The following LRFN5 variants were observed in gnomAD, a reference collection of about 807,000 sequenced individuals.
LRFN5 encodes leucine rich repeat and fibronectin type III domain containing 5.
Under a neutral mutation model 45.6 loss-of-function variants are expected in LRFN5, and 24 were observed. That is an observed-to-expected ratio of 0.53 (90% confidence interval 0.38 to 0.74). The LOEUF (loss-of-function observed/expected upper bound fraction) is 0.74. Ranked by LOEUF, LRFN5 falls within the 30% of genes least tolerant of loss-of-function variation. The pLI is 0.00. For synonymous variants in LRFN5, 340 were observed against 313.8 expected (o/e 1.08, Z -0.88); for missense variants, 776 against 861.5 (o/e 0.90, Z 1.24).
rs765115012 is a variant in LRFN5, at chr14:41,898,969, CT to C, written c.2142+11del. The C allele has an allele frequency of 3.7e-6, 6 of 1,605,976 alleles. No individual in the cohort carries two copies. In the Admixed American group the frequency reaches 1.0e-4, roughly 27 times the overall value. ...TTGTCCAGGAAACACAGGTGAGATT[CT>C]TATTACCTATAACTTACTTCAACAC... On this transcript the variant is annotated intron_variant, in intron 5 of 5. Transcript: ENST00000298119.
intron 1 of LRFN5, among the ~76,000 whole-genome samples, chr14:41,625,426 G>A (rs374997088): frequency 1.3e-5 from 2 of 152,198 alleles, no homozygotes; most frequent in South Asian, 4.1e-4. Context: ...CTTCTGCCAC[G>A]GTTGTAAGTT....
chr14:41,898,892 A>G, intron 4 of LRFN5, 25 bp from the exon 5 acceptor site: 3 of 1,602,728 alleles, frequency 1.9e-6, no homozygotes, highest in Non-Finnish European at 2.6e-6. Context: ...TGAATTGTTT[A>G]TGACACTGAA....
intron 1 of LRFN5, among the ~76,000 whole-genome samples, chr14:41,676,311 A>T (rs1881626965): frequency 6.6e-6 from 1 of 152,190 alleles, no homozygotes; most frequent in African/African-American, 2.4e-5. Context: ...GCGGATCAAG[A>T]GTATTACCTT....
rs557956523 is a variant in LRFN5, at chr14:41,648,772, GT to G, written c.-197+40219del. On this transcript the variant is annotated intron_variant, in intron 1 of 5. Transcript: ENST00000298119. ...TCCCCTTACAGAGGCATCCACTTTT[GT>G]TTTTTTTTGGAACATAATGAAATAA... Among the ~76,000 whole-genome samples, 8 of 148,980 alleles carry G rather than the reference GT, an allele frequency of 5.4e-5. No homozygotes were observed. In the South Asian group the frequency reaches 1.1e-3, roughly 20 times the overall value.
intron 1 of LRFN5, among the ~76,000 whole-genome samples, chr14:41,650,267 A>ACACACACAC (rs1555351106): frequency 4.2e-4 from 51 of 121,822 alleles, no homozygotes; most frequent in African/African-American, 1.1e-3. Flanking sequence ...ACACACACAC[A>ACACACACAC]AAAAAAAAAA....
intron 2 of LRFN5, among the ~76,000 whole-genome samples, chr14:41,868,412 G>T (rs1889909493): frequency 6.6e-6 from 1 of 152,040 alleles, no homozygotes. Flanking sequence ...GAAACCAATT[G>T]AATGCACGGT....
At chr14:41,643,391 T>C (rs1423729068) in intron 1 of LRFN5, among the ~76,000 whole-genome samples, 2 of 152,190 alleles carry the variant, frequency 1.3e-5, no homozygotes, top group African/African-American at 4.8e-5. Context: ...TGTGGAGATA[T>C]TGAAATGGAA....
At chr14:41,822,476 G>C (rs1888147049) in intron 2 of LRFN5, among the ~76,000 whole-genome samples, 1 of 151,964 alleles carries the variant, frequency 6.6e-6, no homozygotes, top group Non-Finnish European at 1.5e-5. Context: ...TCTTGGTATT[G>C]ATTTCTAAGT....
At chr14:41,640,195 T>G (rs929529655) in intron 1 of LRFN5, among the ~76,000 whole-genome samples, 1 of 151,966 alleles carries the variant, frequency 6.6e-6, no homozygotes, top group Non-Finnish European at 1.5e-5. Context: ...TCATTGTCCG[T>G]CTGAAGGCCC....
At chr14:41,831,926 A>G (rs1888496974) in intron 2 of LRFN5, among the ~76,000 whole-genome samples, 1 of 152,148 alleles carries the variant, frequency 6.6e-6, no homozygotes, top group Admixed American at 6.6e-5. Context: ...TTACTGGCTT[A>G]CAGATGTCCA....
intron 1 of LRFN5, among the ~76,000 whole-genome samples, chr14:41,732,180 G>C (rs1305560698): frequency 1.3e-5 from 2 of 152,114 alleles, no homozygotes; most frequent in Non-Finnish European, 2.9e-5. Flanking sequence ...CATGTTCCTA[G>C]AGCAGCATGC....
intron 1 of LRFN5, among the ~76,000 whole-genome samples, chr14:41,651,986 A>G (rs912199518): frequency 2.6e-5 from 4 of 151,108 alleles, no homozygotes; most frequent in African/African-American, 9.7e-5. Context: ...CTGGATTAAG[A>G]TCCATTCTAG....
At chr14:41,882,846 C>CTTTTT (rs71105409) in intron 2 of LRFN5, among the ~76,000 whole-genome samples, 47 of 107,282 alleles carry the variant, frequency 4.4e-4, no homozygotes, top group Middle Eastern at 7.7e-3. Context: ...TGTATTTCCT[C>CTTTTT]TTTTTTTTTT....
At chr14:41,772,792 C>A (rs1293192156) in intron 2 of LRFN5, among the ~76,000 whole-genome samples, 1 of 152,138 alleles carries the variant, frequency 6.6e-6, no homozygotes, top group Non-Finnish European at 1.5e-5. Flanking sequence ...AATTCTGAAT[C>A]ATTTTGTCAT....
chr14:41,892,313 A>G, intron 4 of LRFN5: 1 of 962,072 alleles, frequency 1.0e-6, no homozygotes, highest in Non-Finnish European at 1.2e-6. Context: ...ACACATATAT[A>G]ACTATATATA....
intron 1 of LRFN5, among the ~76,000 whole-genome samples, chr14:41,633,968 A>C (rs1385550849): frequency 6.6e-6 from 1 of 152,136 alleles, no homozygotes; most frequent in Non-Finnish European, 1.5e-5. Context: ...AAGAAATAAA[A>C]AAATCCAATC....
intron 2 of LRFN5, among the ~76,000 whole-genome samples, chr14:41,838,750 T>C (rs560380207): frequency 1.3e-5 from 2 of 152,266 alleles, no homozygotes; most frequent in South Asian, 4.1e-4. Flanking sequence ...TTAACATGTT[T>C]CCAAAAAAAT....
intron 1 of LRFN5, among the ~76,000 whole-genome samples, chr14:41,645,078 G>A (rs917086794): frequency 1.3e-5 from 2 of 152,152 alleles, no homozygotes; most frequent in Admixed American, 6.5e-5. Flanking sequence ...TGAGCTTAGC[G>A]TCTTTTATGC....
At chr14:41,633,197 G>A (rs1161133869) in intron 1 of LRFN5, among the ~76,000 whole-genome samples, 1 of 151,898 alleles carries the variant, frequency 6.6e-6, no homozygotes, top group Non-Finnish European at 1.5e-5. Context: ...ATGTTATGTA[G>A]ATATTCAGAT....
Sources: gnomAD v4.1 joint callset for allele counts (sites outside exome capture counted in the v4.1 genomes callset) on GRCh38, gnomAD v4.1.1 for gene constraint, MANE v1.5 for transcripts, NCBI Gene and HGNC (gene_info 2026-07-23, HGNC 2026-07-21) for gene names.